Variants in STIL observed in about 807,000 individuals in gnomAD.
STIL encodes STIL centriolar assembly protein, also known as SCL-interrupting locus protein.
Under a neutral mutation model 110.1 loss-of-function variants are expected in STIL, and 55 were observed. That is an observed-to-expected ratio of 0.50 (90% confidence interval 0.40 to 0.63). STIL has a LOEUF of 0.63. Among genes scored for constraint, STIL ranks in the 20% least tolerant of loss-of-function variants. The pLI, the probability that STIL is intolerant of heterozygous loss-of-function variation, is 0.00. For missense variants in STIL, 1,358 were observed against 1,530.0 expected, an observed-to-expected ratio of 0.89 and a Z score of 1.87; for synonymous variants, 481 against 530.0, an observed-to-expected ratio of 0.91 and a Z score of 1.27.
chr1:47,271,754 C>A (rs1469022919), intron 13 of STIL, among the ~76,000 whole-genome samples: 1 of 150,992 alleles, frequency 6.6e-6, no homozygotes, highest in African/African-American at 2.4e-5. Context: ...TTGCAGTGAG[C>A]TGAGAGTGCA....
intron 8 of STIL, among the ~76,000 whole-genome samples, chr1:47,291,243 C>T (rs1254411683): frequency 6.6e-6 from 1 of 152,016 alleles, no homozygotes; most frequent in African/African-American, 2.4e-5. Context: ...TGCCTGTAAT[C>T]CCAGCTACTC....
At chr1:47,254,824 C>T (rs1346950265) in intron 16 of STIL, among the ~76,000 whole-genome samples, 1 of 152,158 alleles carries the variant, frequency 6.6e-6, no homozygotes, top group African/African-American at 2.4e-5. Context: ...CATGAGACAC[C>T]ATGCCCAGCC....
chr1:47,300,257 A>G (rs1465579477), intron 5 of STIL, 105 bp from the exon 6 acceptor site: 1 of 1,099,282 alleles, frequency 9.1e-7, no homozygotes, highest in Non-Finnish European at 1.3e-6. Flanking sequence ...TCTTGCACAA[A>G]TAAAATTAAA....
chr1:47,272,226 C>T lies in STIL; in HGVS notation c.2233G>A (p.Glu745Lys), dbSNP rs751722334. Residue 745 changes from glutamate to lysine, a missense_variant, in exon 13 of 17, where the codon GAA (glutamate) becomes AAA (lysine). Physicochemically the swap from Glu to Lys is moderately conservative, Grantham distance 56. Coordinates refer to ENST00000371877, the MANE Select transcript of STIL (RefSeq NM_001048166.1). ...GAACAGGGCATCAGAGACTGTGCTT[C>T]CAACAAACGCTGAATCTGTATCAAT... ...LLQAQIQRLL[E>K]AQSLMPCSPK... 6.2e-7 allele frequency: 1 copy of T among 1,614,086 alleles called. No homozygotes were observed.
chr1:47,252,432 C>A (rs1644211690), intron 16 of STIL, among the ~76,000 whole-genome samples: 1 of 151,790 alleles, frequency 6.6e-6, no homozygotes, highest in African/African-American at 2.4e-5. Context: ...CAAATAATAG[C>A]CTAGAAGGTA....
At chr1:47,303,478 T>A (rs1447668769) in intron 3 of STIL, among the ~76,000 whole-genome samples, 1 of 152,116 alleles carries the variant, frequency 6.6e-6, no homozygotes, top group Non-Finnish European at 1.5e-5. Flanking sequence ...GACAGGAGAA[T>A]CGCTTGTACA....
At position 47,265,237 on chromosome 1, in the gene STIL, C is replaced by CAAAAAAAAAAA. The variant is rs61666574; in HGVS notation, c.2616-2132_2616-2122dup. 1.8e-3 allele frequency among the ~76,000 whole-genome samples: 93 copies of CAAAAAAAAAAA among 51,628 alleles called. 3 individuals carry two copies. The highest frequency in any genetic ancestry group is 4.5e-3 in the African/African-American group (64 of 14,180). The allele number at this position is 51,628 out of a possible 152,430, so 33.9% of individuals were successfully genotyped here. A position where few individuals can be genotyped will look rare whatever the true frequency, so the allele number is the denominator to read the frequency against. ...AGCAACAGAGCAACACTCCATCTCC[C>CAAAAAAAAAAA]AAAAAAAAAAAAAAAAAAAAAAACA... On this transcript the variant is annotated intron_variant, in intron 14 of 16. Transcript: ENST00000371877.
intron 16 of STIL, 28 bp downstream of exon 16, chr1:47,260,260 AC>A (rs1278206173): frequency 1.3e-6 from 2 of 1,584,664 alleles, no homozygotes; most frequent in South Asian, 2.4e-5. Context: ...AAATTTATTC[AC>A]TCTTTAAAAC....
intron 7 of STIL, among the ~76,000 whole-genome samples, chr1:47,295,204 T>C (rs930414719): frequency 2.0e-5 from 3 of 152,114 alleles, no homozygotes; most frequent in African/African-American, 7.2e-5. Context: ...CCAAAAGTGC[T>C]GGGATTACAG....
intron 13 of STIL, among the ~76,000 whole-genome samples, chr1:47,270,295 A>C (rs1046832044): frequency 1.9e-5 from 2 of 104,022 alleles, no homozygotes; most frequent in African/African-American, 6.4e-5. Context: ...CACACACACA[A>C]TTACTTAGAA....
At chr1:47,309,540 G>C (rs955665218) in intron 2 of STIL, among the ~76,000 whole-genome samples, 2 of 151,864 alleles carry the variant, frequency 1.3e-5, no homozygotes, top group Admixed American at 1.3e-4. Context: ...TCTTCATCAA[G>C]AACATCTGGC....
In STIL at chr1:47,298,897, C is replaced by G. The variant is rs539043325; in HGVS notation, c.701+1008G>C. 3.3e-5 allele frequency among the ~76,000 whole-genome samples: 5 copies of G among 152,034 alleles called. No individual in the cohort carries two copies. The East Asian group carries it at 9.7e-4, about 29-fold the overall frequency. On this transcript the variant is annotated intron_variant, in intron 6 of 16. Transcript: ENST00000371877. ...TAGCTGGGATTACAGGCACGTGCCA[C>G]CATGCCCAGCTTTTTTGTTTGTTTG...
rs572043171 is a variant in STIL, at chr1:47,289,078, A to C, written c.1023+357T>G. Among the ~76,000 whole-genome samples, 490 of 149,908 alleles carry C rather than the reference A, an allele frequency of 3.3e-3. 9 individuals carry two copies. Among genetic ancestry groups the C allele is most frequent in the African/African-American group, 0.011 (456 of 40,728 alleles). On this transcript the variant is annotated intron_variant, in intron 9 of 16. Coordinates refer to ENST00000371877, the MANE Select transcript of STIL (RefSeq NM_001048166.1). Reference sequence around the variant, plus strand: ...TTCCATCTCAAAAAAAAAAAAAAAAAAAAAAAAACATCAGGACAAAGAAAA... The same window carrying C: ...TTCCATCTCAAAAAAAAAAAAAAAACAAAAAAAACATCAGGACAAAGAAAA...
intron 2 of STIL, among the ~76,000 whole-genome samples, chr1:47,308,379 C>T (rs1032007098): frequency 2.0e-5 from 3 of 147,450 alleles, no homozygotes; most frequent in South Asian, 2.1e-4. Context: ...GCAGGTCCCC[C>T]GATACTGTCT....
chr1:47,279,852 A>G (rs1472116295), intron 12 of STIL, among the ~76,000 whole-genome samples: 1 of 152,242 alleles, frequency 6.6e-6, no homozygotes, highest in African/African-American at 2.4e-5. Context: ...GGCTCTAACT[A>G]TATAGATAGG....
chr1:47,261,096 A>G (rs1275852154), intron 15 of STIL, among the ~76,000 whole-genome samples: 1 of 152,130 alleles, frequency 6.6e-6, no homozygotes, highest in Admixed American at 6.5e-5. Context: ...TTCACTTAAA[A>G]ACCAACATAA....
upstream of STIL, among the ~76,000 whole-genome samples, chr1:47,314,779 G>A (rs914133242): frequency 1.3e-5 from 2 of 151,410 alleles, no homozygotes; most frequent in African/African-American, 4.9e-5. Context: ...AAGCTGGAGT[G>A]CGATGACGCG....
At chr1:47,252,727 T>G (rs922777193) in intron 16 of STIL, among the ~76,000 whole-genome samples, 1 of 151,092 alleles carries the variant, frequency 6.6e-6, no homozygotes, top group African/African-American at 2.4e-5. Context: ...GTTGAAGAGA[T>G]TCCATTTGCA....
chr1:47,286,176 GA>G (rs377448337), intron 10 of STIL, among the ~76,000 whole-genome samples: 67 of 152,150 alleles, frequency 4.4e-4, no homozygotes, highest in Admixed American at 1.6e-3. Context: ...CACCCAGCAA[GA>G]GATGCATTTT....
Sources: allele counts gnomAD v4.1 joint callset (sites outside exome capture counted in the v4.1 genomes callset), GRCh38; gene constraint gnomAD v4.1.1; transcripts MANE v1.5; gene names NCBI Gene and HGNC (gene_info 2026-07-23, HGNC 2026-07-21).